KCNK2: variants seen among roughly 807,000 people sequenced by gnomAD.
KCNK2 encodes potassium two pore domain channel subfamily K member 2, also known as potassium channel subfamily K member 2.
KCNK2 carries 21 observed loss-of-function variants against 40.5 expected under a neutral mutation model. The ratio of observed to expected loss-of-function variants is 0.52; its 90% CI spans 0.37 to 0.75. KCNK2 has a LOEUF of 0.75. Ranked by LOEUF, KCNK2 falls within the 30% of genes least tolerant of loss-of-function variation. The pLI is 0.00. For synonymous variants in KCNK2, 191 were observed against 202.2 expected, an observed-to-expected ratio of 0.94 and a Z score of 0.47; for missense variants, 399 against 531.6, an observed-to-expected ratio of 0.75 and a Z score of 2.45.
rs1344472469 is a variant in KCNK2 at position 215,083,331 on chromosome 1, A to G, written c.-55A>G. Reference sequence around the variant, plus strand: ...AAGTGAGTACAATGGCGTGTTTGTAAAAAAAAGCTTCAAGTCCGTCTTTTT... The same window carrying G: ...AAGTGAGTACAATGGCGTGTTTGTAGAAAAAAGCTTCAAGTCCGTCTTTTT... On this transcript the variant is annotated 5_prime_UTR_variant, in exon 1 of 7. An upstream open reading frame in the 5' UTR loses its in-frame stop. Coordinates refer to ENST00000444842, the MANE Select transcript of KCNK2 (RefSeq NM_001017425.3). The G allele has an allele frequency of 7.4e-6, 12 of 1,613,656 alleles. No homozygotes were observed. In the South Asian group the frequency reaches 1.1e-4, roughly 15 times the overall value.
At chr1:215,162,039 A>G (rs1663222197) in intron 3 of KCNK2, among the ~76,000 whole-genome samples, 1 of 152,218 alleles carries the variant, frequency 6.6e-6, no homozygotes, top group South Asian at 2.1e-4. Context: ...TTACAGTACC[A>G]ACAAGAGTGT....
intron 2 of KCNK2, among the ~76,000 whole-genome samples, chr1:215,098,051 T>A (rs1660055694): frequency 6.6e-6 from 1 of 152,042 alleles, no homozygotes; most frequent in Admixed American, 6.6e-5. Context: ...TTATAATCCA[T>A]GATCATGTCT....
intron 1 of KCNK2, among the ~76,000 whole-genome samples, chr1:215,059,539 C>T (rs1259090143): frequency 6.6e-6 from 1 of 152,106 alleles, no homozygotes; most frequent in East Asian, 1.9e-4. Flanking sequence ...TCAATGTACA[C>T]ACAGTTCTCC....
intron 4 of KCNK2, among the ~76,000 whole-genome samples, chr1:215,170,778 G>A (rs1663674228): frequency 1.3e-5 from 2 of 151,840 alleles, no homozygotes; most frequent in Non-Finnish European, 2.9e-5. Context: ...GCAGATTGAC[G>A]GCATAAACAT....
At chr1:215,234,444 A>G (rs1172593768) in intron 6 of KCNK2, among the ~76,000 whole-genome samples, 1 of 152,218 alleles carries the variant, frequency 6.6e-6, no homozygotes, top group Non-Finnish European at 1.5e-5. Flanking sequence ...TGCCCTTTGT[A>G]CATTCCAATA....
At chr1:215,118,705 C>G in intron 2 of KCNK2, among the ~76,000 whole-genome samples, 2 of 152,104 alleles carry the variant, frequency 1.3e-5, no homozygotes, top group Middle Eastern at 6.8e-3. Flanking sequence ...GAAATTATGT[C>G]GTTTTTAAAA....
At chr1:215,195,244 C>T (rs1199951029) in intron 6 of KCNK2, 152 bp downstream of exon 6, 1 of 557,842 alleles carries the variant, frequency 1.8e-6, no homozygotes, top group Non-Finnish European at 2.8e-6. Flanking sequence ...AGGCTATGAG[C>T]AAATATATGA....
chr1:215,038,993 A>G (rs1319774580), intron 1 of KCNK2, among the ~76,000 whole-genome samples: 1 of 152,120 alleles, frequency 6.6e-6, no homozygotes, highest in Non-Finnish European at 1.5e-5. Flanking sequence ...GAAAAAAAAA[A>G]GAATGAAGAT....
intron 1 of KCNK2, among the ~76,000 whole-genome samples, chr1:215,022,041 C>G (rs1230293940): frequency 6.7e-6 from 1 of 148,300 alleles, no homozygotes; most frequent in Non-Finnish European, 1.5e-5. Context: ...CTCCAGCTTG[C>G]AGATGACACA....
intron 6 of KCNK2, among the ~76,000 whole-genome samples, chr1:215,199,110 C>T (rs1571719887): frequency 6.6e-6 from 1 of 152,032 alleles, no homozygotes; most frequent in East Asian, 1.9e-4. Flanking sequence ...GAGTTTGATA[C>T]CAGCCTGGCA....
chr1:215,043,301 C>T (rs1474247204), intron 1 of KCNK2, among the ~76,000 whole-genome samples: 1 of 152,186 alleles, frequency 6.6e-6, no homozygotes, highest in Non-Finnish European at 1.5e-5. Flanking sequence ...TCTGGGCATA[C>T]AGCCAAAAGA....
Position 215,110,249 on chromosome 1 carries a change from G to T in KCNK2, c.358-14384G>T, listed in dbSNP as rs377314038. ...CCATTTGTCTATTTTTGTTTTTGTTGCCTGTGCTTTTGAGGTCTTAGCCAT... is the reference window on the plus strand; with the variant it reads ...CCATTTGTCTATTTTTGTTTTTGTTTCCTGTGCTTTTGAGGTCTTAGCCAT... On this transcript the variant is annotated intron_variant, in intron 2 of 6. Transcript: ENST00000444842. 5.3e-5 allele frequency among the ~76,000 whole-genome samples: 8 copies of T among 151,832 alleles called. No homozygotes were observed. In the East Asian group the frequency reaches 1.6e-3, roughly 29 times the overall value.
intron 2 of KCNK2, among the ~76,000 whole-genome samples, chr1:215,101,871 A>C (rs1345294937): frequency 1.3e-5 from 2 of 152,174 alleles, no homozygotes; most frequent in South Asian, 4.1e-4. Context: ...TTGCACATAC[A>C]ATTATGTACT....
intron 1 of KCNK2, among the ~76,000 whole-genome samples, chr1:215,067,839 C>A (rs1658611149): frequency 6.6e-6 from 1 of 152,090 alleles, no homozygotes; most frequent in South Asian, 2.1e-4. Flanking sequence ...TGTACTCCAG[C>A]CTTGGTGACA....
intron 3 of KCNK2, among the ~76,000 whole-genome samples, chr1:215,127,431 A>G (rs975997128): frequency 3.9e-5 from 6 of 152,202 alleles, no homozygotes; most frequent in African/African-American, 1.4e-4. Flanking sequence ...ATTCTATTCC[A>G]TAGTTTCACA....
intron 2 of KCNK2, among the ~76,000 whole-genome samples, chr1:215,114,652 T>A (rs1030867545): frequency 2.6e-5 from 4 of 152,174 alleles, no homozygotes; most frequent in African/African-American, 9.6e-5. Flanking sequence ...TTTGCTGTCT[T>A]GATTTTGTGA....
intron 1 of KCNK2, among the ~76,000 whole-genome samples, chr1:215,030,512 A>G (rs1657149065): frequency 6.6e-6 from 1 of 151,874 alleles, no homozygotes; most frequent in Admixed American, 6.6e-5. Context: ...TTTTAATGAT[A>G]ATAATAACAA....
chr1:215,102,119 T>C (rs1028715390), intron 2 of KCNK2, among the ~76,000 whole-genome samples: 1 of 151,974 alleles, frequency 6.6e-6, no homozygotes, highest in Non-Finnish European at 1.5e-5. Flanking sequence ...TATAAATAAG[T>C]TAACTGTAAA....
intron 1 of KCNK2, among the ~76,000 whole-genome samples, chr1:215,050,893 A>G (rs1461053171): frequency 6.6e-6 from 1 of 152,158 alleles, no homozygotes; most frequent in African/African-American, 2.4e-5. Flanking sequence ...GCATCATTAC[A>G]CTATGGGGAA....
Sources: gnomAD v4.1 joint callset for allele counts (sites outside exome capture counted in the v4.1 genomes callset) on GRCh38, gnomAD v4.1.1 for gene constraint, MANE v1.5 for transcripts, NCBI Gene and HGNC (gene_info 2026-07-23, HGNC 2026-07-21) for gene names.